Variants in TAPBP observed in about 807,000 individuals in gnomAD.
TAPBP encodes TAP binding protein, also known as tapasin.
A neutral mutation model predicts 45.7 loss-of-function variants in TAPBP; 38 were observed. The ratio of observed to expected loss-of-function variants is 0.83; its 90% CI spans 0.64 to 1.09. TAPBP has a LOEUF of 1.09. TAPBP is among the 50% of genes least tolerant of loss of function. The probability of loss-of-function intolerance (pLI) is 0.00; values close to 1 mark genes in which losing one functional copy is unlikely to be tolerated. For synonymous variants in TAPBP, 226 were observed against 254.8 expected, an observed-to-expected ratio of 0.89 and a Z score of 1.08; for missense variants, 513 against 587.3, an observed-to-expected ratio of 0.87 and a Z score of 1.31.
chr6:33,304,630 T>C lies in TAPBP; in HGVS notation c.877A>G (p.Lys293Glu), dbSNP rs1768833385. Residue 293 changes from lysine to glutamate, a missense_variant, in exon 5 of 8, where the codon AAA (lysine) becomes GAA (glutamate). By Grantham distance (56) the Lys-to-Glu change is moderately conservative. Transcript: ENST00000434618. ...TLELAVYKPPKVSLMPATLAR... is the reference protein window; with the variant it reads ...TLELAVYKPPEVSLMPATLAR... ...AGGGTTGCTGGCATCAGGGACACTTTGGGGGGTTCTGGGGAAAGAGGACGA... is the reference window on the plus strand; with the variant it reads ...AGGGTTGCTGGCATCAGGGACACTTCGGGGGGTTCTGGGGAAAGAGGACGA... 7.0e-6 allele frequency: 11 copies of C among 1,565,842 alleles called. No individual in the cohort carries two copies. Among genetic ancestry groups the C allele is most frequent in the Non-Finnish European group, 9.5e-6 (11 of 1,160,734 alleles).
At position 33,301,659 on chromosome 6, in the gene TAPBP, G is replaced by T; in HGVS notation, c.*101C>A. 1 of 1,042,464 alleles carries T rather than the reference G, an allele frequency of 9.6e-7. No individual in the cohort carries two copies. The highest frequency in any genetic ancestry group is 1.5e-6 in the Non-Finnish European group (1 of 672,874). The allele number at this position is 1,042,464 out of a possible 1,614,324, so 64.6% of individuals were successfully genotyped here. On this transcript the variant is annotated 3_prime_UTR_variant, in exon 8 of 8. Coordinates refer to ENST00000434618, the MANE Select transcript of TAPBP (RefSeq NM_003190.5). ...TCCAGCCACTCAGTGGAGAGAGATT[G>T]GAGGGATTAGGAGCAGATGATAGGG... is the stretch of plus-strand genomic sequence containing the variant.
Position 33,300,176 on chromosome 6 carries a change from AC to A in TAPBP, c.*1583del, listed in dbSNP as rs1436121723. 2 of 153,816 alleles carry A rather than the reference AC, an allele frequency of 1.3e-5. No homozygotes were observed. The highest frequency in any genetic ancestry group is 2.9e-5 in the Non-Finnish European group (2 of 68,110). The allele number at this position is 153,816 out of a possible 1,614,324, so 9.5% of individuals were successfully genotyped here. ...AGCATTGAGAGGAGGTCTGGCGAGC[AC>A]CATCTAGGGCTGAAGAACTAGGCAG... On this transcript the variant is annotated 3_prime_UTR_variant, in exon 8 of 8. Transcript: ENST00000434618.
chr6:33,303,637 T>C, intron 7 of TAPBP: 1 of 1,102,558 alleles, frequency 9.1e-7, no homozygotes, highest in Non-Finnish European at 1.3e-6. Flanking sequence ...ATTAAGTTAA[T>C]TTTACCTGTT....
intron 6 of TAPBP, 56 bp from the exon 7 acceptor site, chr6:33,304,045 G>A (rs1768766529): frequency 1.2e-6 from 2 of 1,612,826 alleles, no homozygotes. Flanking sequence ...GTGGAGGGCA[G>A]AGGGATGGGT....
In TAPBP at chr6:33,305,534, C is replaced by G; in HGVS notation, c.470-147G>C. 4.2e-6 allele frequency: 4 copies of G among 963,472 alleles called. No individual in the cohort carries two copies. Among genetic ancestry groups the G allele is most frequent in the Non-Finnish European group, 5.9e-6 (4 of 675,894 alleles). 59.7% of individuals were successfully genotyped at this position (963,472 alleles called of 1,614,324 possible). A position where few individuals can be genotyped will look rare whatever the true frequency, so the allele number is the denominator to read the frequency against. ...CACCTTTTCTGATACTCACCATTTC[C>G]TAGCCCTCCCTGCAAACTCCTTTTG... On this transcript the variant is annotated intron_variant, in intron 3 of 7. Coordinates refer to ENST00000434618, the MANE Select transcript of TAPBP (RefSeq NM_003190.5). The surrounding 1 kb of genome is among the most constrained non-coding windows in gnomAD (Gnocchi z 4.4).
intron 7 of TAPBP, 138 bp downstream of exon 7, chr6:33,303,817 C>T: frequency 6.3e-7 from 1 of 1,582,448 alleles, no homozygotes; most frequent in Non-Finnish European, 8.6e-7. Context: ...GGATATAGTG[C>T]CAGGTTTTAA....
In TAPBP at chr6:33,305,798, C is replaced by A. The variant is rs1046975061; in HGVS notation, c.470-411G>T. ...TTACAGGCGAAGACAATGATTGAGC[C>A]ATGACTGTCAGTCTTGTGGTGCTGT... On this transcript the variant is annotated intron_variant, in intron 3 of 7. Transcript: ENST00000434618. This position sits in a 1 kb window ranked among gnomAD's most constrained non-coding sequence, Gnocchi z 4.4. Among the ~76,000 whole-genome samples the A allele has an allele frequency of 3.9e-5, 6 of 152,214 alleles. No homozygotes were observed. Among genetic ancestry groups the A allele is most frequent in the Non-Finnish European group, 8.8e-5 (6 of 68,028 alleles).
Position 33,305,334 on chromosome 6 carries a change from C to T in TAPBP, c.523G>A (p.Asp175Asn). The change falls in exon 4 of 8, where the codon GAT becomes AAT. Residue 175 changes from aspartate (D) to asparagine (N), a missense_variant. Asp to Asn is a conservative substitution (Grantham distance 23). Coordinates refer to ENST00000434618, the MANE Select transcript of TAPBP (RefSeq NM_003190.5). The surrounding 1 kb of genome is among the most constrained non-coding windows in gnomAD (Gnocchi z 4.4). ...GCAAAGCTCAAGTCCAGCAGAGCAT[C>T]TTGTCCCAGTCTCACTCGAGGGGCA... ...TPAPRVRLGQDALLDLSFAYM... is the reference protein window; with the variant it reads ...TPAPRVRLGQNALLDLSFAYM... 6.4e-7 allele frequency: 1 copy of T among 1,551,192 alleles called. No individual in the cohort carries two copies. Among genetic ancestry groups the T allele is most frequent in the Non-Finnish European group, 8.7e-7 (1 of 1,149,610 alleles).
chr6:33,311,426 C>T (rs971315390), intron 3 of TAPBP, among the ~76,000 whole-genome samples: 3 of 152,156 alleles, frequency 2.0e-5, no homozygotes, highest in Admixed American at 1.3e-4. Flanking sequence ...GTTGGGAGTT[C>T]GAGACCAGCC....
At chr6:33,308,369 G>A (rs1209404308) in intron 3 of TAPBP, among the ~76,000 whole-genome samples, 1 of 151,882 alleles carries the variant, frequency 6.6e-6, no homozygotes, top group African/African-American at 2.4e-5. Flanking sequence ...ATAAAAACAG[G>A]CTTTTTAGAA....
chr6:33,301,880 G>A (rs1768613497), intron 7 of TAPBP, 109 bp from the exon 8 acceptor site: 2 of 1,517,860 alleles, frequency 1.3e-6, no homozygotes, highest in African/African-American at 2.9e-5. Flanking sequence ...GATGGGAGAA[G>A]GATGAGGCTA....
intron 3 of TAPBP, among the ~76,000 whole-genome samples, chr6:33,311,661 A>G (rs2150971422): frequency 6.6e-6 from 1 of 152,250 alleles, no homozygotes; most frequent in South Asian, 2.1e-4. Flanking sequence ...ATAAAAATAA[A>G]TAAATAGCAC....
In TAPBP at chr6:33,304,426, T is replaced by C; in HGVS notation, c.1081A>G (p.Ser361Gly). The change falls in exon 5 of 8, where the codon AGC (serine) becomes GGC (glycine). Residue 361 changes from serine (S) to glycine (G), a missense_variant. By Grantham distance (56) the Ser-to-Gly change is moderately conservative. Transcript: ENST00000434618. ...ALRHHSDGSV[S>G]LSGHLQPPPV... Reference sequence around the variant, plus strand: ...GGCGGCTGCAAGTGCCCAGAGAGGCTGACAGAGCCATCGGAATGGTGGCGC... The same window carrying C: ...GGCGGCTGCAAGTGCCCAGAGAGGCCGACAGAGCCATCGGAATGGTGGCGC... 6.2e-7 allele frequency: 1 copy of C among 1,612,154 alleles called. No individual in the cohort carries two copies. Among genetic ancestry groups the C allele is most frequent in the Non-Finnish European group, 8.5e-7 (1 of 1,178,988 alleles).
At position 33,313,665 on chromosome 6, in the gene TAPBP, A is replaced by AG. The variant is rs573018523; in HGVS notation, c.208+28dup. ...GGGTTTCGGTGGAGGCGACAGAGGT[A>AG]GGGGGGCGGCGAGTCCCTAGAGACT... On this transcript the variant is annotated intron_variant, in intron 2 of 7. Transcript: ENST00000434618. The surrounding 1 kb of genome is among the most constrained non-coding windows in gnomAD (Gnocchi z 7.2). 577 of 1,595,562 alleles carry AG rather than the reference A, an allele frequency of 3.6e-4. 9 individuals are homozygous for AG. In the East Asian group the frequency reaches 8.9e-3, roughly 25 times the overall value.
intron 5 of TAPBP, 28 bp downstream of exon 5, chr6:33,304,269 C>G (rs750014940): frequency 1.2e-6 from 2 of 1,604,798 alleles, no homozygotes; most frequent in Non-Finnish European, 1.7e-6. Flanking sequence ...GGTGCTGGCT[C>G]AGATTCCGCA....
intron 6 of TAPBP, 39 bp downstream of exon 6, chr6:33,304,089 C>G: frequency 6.2e-7 from 1 of 1,610,460 alleles, no homozygotes. Flanking sequence ...GGAAAGTCCA[C>G]CAACCTCAGG....
At chr6:33,302,565 G>A (rs1216610628) in intron 7 of TAPBP, among the ~76,000 whole-genome samples, 1 of 151,984 alleles carries the variant, frequency 6.6e-6, no homozygotes, top group Non-Finnish European at 1.5e-5. Context: ...GACCTCAGGT[G>A]ATCCGCCCTC....
intron 3 of TAPBP, among the ~76,000 whole-genome samples, chr6:33,311,724 C>A (rs1175620854): frequency 1.3e-5 from 2 of 152,226 alleles, no homozygotes; most frequent in Non-Finnish European, 2.9e-5. Flanking sequence ...TCTTACCACC[C>A]GGGCACTTCC....
chr6:33,304,772 G>A, intron 4 of TAPBP, 134 bp from the exon 5 acceptor site: 1 of 1,261,212 alleles, frequency 7.9e-7, no homozygotes, highest in Non-Finnish European at 1.1e-6. Flanking sequence ...GGAACCCACT[G>A]TCTCTCCATT....
Sources: allele counts gnomAD v4.1 joint callset (sites outside exome capture counted in the v4.1 genomes callset), GRCh38; gene constraint gnomAD v4.1.1; non-coding constraint Gnocchi (gnomAD v3.1); transcripts MANE v1.5; gene names NCBI Gene and HGNC (gene_info 2026-07-23, HGNC 2026-07-21).